HCRTR2: variants seen among roughly 807,000 people sequenced by gnomAD.
HCRTR2 encodes the protein hypocretin receptor 2.
HCRTR2 carries 22 observed loss-of-function variants against 49.0 expected under a neutral mutation model. The ratio of observed to expected loss-of-function variants is 0.45; its 90% CI spans 0.32 to 0.64. The LOEUF (loss-of-function observed/expected upper bound fraction) is 0.64, where lower values mean the gene tolerates loss of function less well. Ranked by LOEUF, HCRTR2 falls within the 30% of genes least tolerant of loss-of-function variation. The pLI is 0.04. For missense variants in HCRTR2, 491 were observed against 559.4 expected (o/e 0.88, Z 1.23); for synonymous variants, 236 against 205.3 (o/e 1.15, Z -1.28).
At chr6:55,238,950 T>C (rs993091399) in intron 1 of HCRTR2, among the ~76,000 whole-genome samples, 1 of 152,108 alleles carries the variant, frequency 6.6e-6, no homozygotes, top group Admixed American at 6.6e-5. Flanking sequence ...TGTTAATTAA[T>C]GCAAAAGGGT....
intron 3 of HCRTR2, among the ~76,000 whole-genome samples, chr6:55,259,339 A>C (rs987337058): frequency 6.6e-6 from 1 of 152,158 alleles, no homozygotes; most frequent in East Asian, 1.9e-4. Context: ...GATTTATTAA[A>C]CATATTTATT....
rs189023127 is a variant in HCRTR2 at position 55,154,842 on chromosome 6, C to T, written c.-377-19369C>T. Among the ~76,000 whole-genome samples the T allele has an allele frequency of 2.7e-3, 410 of 151,794 alleles. 2 individuals are homozygous for T. The highest frequency in any genetic ancestry group is 9.3e-3 in the African/African-American group (388 of 41,510). ...CCACAAAAACAAACAAACACACAAA[C>T]AAACAAAATAGCTAGAGCAAAGAAA... is the stretch of plus-strand genomic sequence containing the variant. On this transcript the variant is annotated intron_variant, in intron 1 of 7. Transcript: ENST00000615358.
chr6:55,144,137 A>T (rs1410302648), intron 1 of HCRTR2, among the ~76,000 whole-genome samples: 11 of 92,368 alleles, frequency 1.2e-4, no homozygotes, highest in African/African-American at 3.9e-4. Context: ...TTTTTGACGG[A>T]GTTTCGCTGT....
At chr6:55,181,875 G>T (rs1765140039) in intron 1 of HCRTR2, among the ~76,000 whole-genome samples, 1 of 152,110 alleles carries the variant, frequency 6.6e-6, no homozygotes, top group Admixed American at 6.5e-5. Context: ...TCATAAACTT[G>T]TTAAACATAA....
intron 2 of HCRTR2, among the ~76,000 whole-genome samples, chr6:55,254,513 G>A (rs1766612792): frequency 6.6e-6 from 1 of 152,108 alleles, no homozygotes; most frequent in South Asian, 2.1e-4. Context: ...CTAGCAGTGA[G>A]CAAACTGTCA....
upstream of HCRTR2, among the ~76,000 whole-genome samples, chr6:55,172,611 C>T (rs1764966970): frequency 6.6e-6 from 1 of 151,944 alleles, no homozygotes; most frequent in South Asian, 2.1e-4. Context: ...AGTACTATGT[C>T]CCAAAAAGTA....
chr6:55,180,321 T>A lies in HCRTR2; in HGVS notation c.223+5511T>A, dbSNP rs550700031. ...TTATTCCATTACTTCATCCTGCCTCTTTCCTTAGCTTCTAACCCTGACTGG... is the reference window on the plus strand; with the variant it reads ...TTATTCCATTACTTCATCCTGCCTCATTCCTTAGCTTCTAACCCTGACTGG... On this transcript the variant is annotated intron_variant, in intron 1 of 6. Coordinates refer to ENST00000370862, the MANE Select transcript of HCRTR2 (RefSeq NM_001384272.1). Among the ~76,000 whole-genome samples, 3 of 152,358 alleles carry A rather than the reference T, an allele frequency of 2.0e-5. No homozygotes were observed. The East Asian group carries it at 5.8e-4, about 29-fold the overall frequency.
chr6:55,264,282 A>G (rs892280471), intron 4 of HCRTR2, among the ~76,000 whole-genome samples: 2 of 152,054 alleles, frequency 1.3e-5, no homozygotes, highest in Non-Finnish European at 2.9e-5. Flanking sequence ...AACTTCAAAG[A>G]TCTTATTTTT....
intron 1 of HCRTR2, among the ~76,000 whole-genome samples, chr6:55,161,460 A>G (rs1453421590): frequency 1.3e-5 from 2 of 152,204 alleles, no homozygotes; most frequent in Non-Finnish European, 2.9e-5. Context: ...AAAAGCTAGC[A>G]GAAGACAAGA....
At chr6:55,184,804 A>G (rs1765190760) in intron 1 of HCRTR2, among the ~76,000 whole-genome samples, 1 of 152,140 alleles carries the variant, frequency 6.6e-6, no homozygotes. Context: ...CTACTCAGTG[A>G]CTCTAAAATG....
chr6:55,238,747 TA>T (rs1286035290), intron 1 of HCRTR2, among the ~76,000 whole-genome samples: 1 of 75,888 alleles, frequency 1.3e-5, no homozygotes, highest in East Asian at 2.0e-4. Context: ...AGATGAGACA[TA>T]AAGTTGTGAG....
intron 1 of HCRTR2, among the ~76,000 whole-genome samples, chr6:55,129,887 C>T (rs1466982627): frequency 6.6e-6 from 1 of 152,004 alleles, no homozygotes. Context: ...TTCTCTTTTA[C>T]TTTAACCCCT....
At chr6:55,127,719 C>A (rs960762846) in intron 1 of HCRTR2, among the ~76,000 whole-genome samples, 4 of 152,096 alleles carry the variant, frequency 2.6e-5, no homozygotes, top group African/African-American at 7.2e-5. Flanking sequence ...TCAGTATCAG[C>A]CTCTTGCATT....
chr6:55,134,808 T>C (rs1002458394), intron 1 of HCRTR2, among the ~76,000 whole-genome samples: 1 of 152,058 alleles, frequency 6.6e-6, no homozygotes, highest in Admixed American at 6.6e-5. Flanking sequence ...AATGGCAGGA[T>C]TTCCTTCTTT....
At chr6:55,269,111 T>TAAAGA (rs200026314) in intron 4 of HCRTR2, among the ~76,000 whole-genome samples, 2,727 of 125,182 alleles carry the variant, frequency 0.022, 78 homozygotes, top group African/African-American at 0.077. Flanking sequence ...AAAAAAGAAA[T>TAAAGA]AAAGAAAAAA....
chr6:55,273,493 C>T (rs1426133928), intron 4 of HCRTR2, among the ~76,000 whole-genome samples: 1 of 151,958 alleles, frequency 6.6e-6, no homozygotes, highest in African/African-American at 2.4e-5. Context: ...ATAAAATTCT[C>T]GACTTATTTC....
At chr6:55,128,486 G>A (rs1283210777) in intron 1 of HCRTR2, among the ~76,000 whole-genome samples, 1 of 152,118 alleles carries the variant, frequency 6.6e-6, no homozygotes, top group Non-Finnish European at 1.5e-5. Context: ...AATAGGAATA[G>A]CATTGAATCT....
chr6:55,218,009 T>G (rs3122156), intron 1 of HCRTR2, among the ~76,000 whole-genome samples: 53,997 of 152,040 alleles, frequency 0.36, 10,855 homozygotes, highest in African/African-American at 0.55. Context: ...AGGTCAAGGG[T>G]ACGTATCTGG....
At chr6:55,237,771 C>T (rs1043386538) in intron 1 of HCRTR2, among the ~76,000 whole-genome samples, 29 of 152,150 alleles carry the variant, frequency 1.9e-4, no homozygotes, top group Admixed American at 1.6e-3. Context: ...GCTTATCTGC[C>T]GTTACCAGAA....
Sources: allele counts gnomAD v4.1 joint callset (sites outside exome capture counted in the v4.1 genomes callset), GRCh38; gene constraint gnomAD v4.1.1; transcripts MANE v1.5; gene names NCBI Gene and HGNC (gene_info 2026-07-23, HGNC 2026-07-21).